Variants in TMEM132B observed in about 807,000 individuals in gnomAD.
TMEM132B encodes the protein transmembrane protein 132B.
TMEM132B carries 18 observed loss-of-function variants against 90.8 expected under a neutral mutation model. The ratio of observed to expected loss-of-function variants is 0.20; its 90% CI spans 0.14 to 0.29. The LOEUF is 0.29. Ranked by LOEUF, TMEM132B falls within the 10% of genes least tolerant of loss-of-function variation. The pLI is 1.00. For missense variants in TMEM132B, 1,096 were observed against 1,326.8 expected, an observed-to-expected ratio of 0.83 and a Z score of 2.70; for synonymous variants, 504 against 523.3, an observed-to-expected ratio of 0.96 and a Z score of 0.50.
In TMEM132B at chr12:125,338,337, C is replaced by T. The variant is rs558136483; in HGVS notation, c.68-11115C>T. Among the ~76,000 whole-genome samples, 7 of 152,334 alleles carry T rather than the reference C, an allele frequency of 4.6e-5. No homozygotes were observed. In the South Asian group the frequency reaches 1.0e-3, roughly 23 times the overall value. On this transcript the variant is annotated intron_variant, in intron 1 of 8. Coordinates refer to ENST00000682704, the MANE Select transcript of TMEM132B (RefSeq NM_001366854.1). ...GTCCTCAGCGTGTACCTTTGTTCCT[C>T]CTGGTTGCACAGTGGCTGCTCTGTC...
At chr12:125,484,847 CT>C (rs1481669439) in intron 3 of TMEM132B, among the ~76,000 whole-genome samples, 1 of 152,078 alleles carries the variant, frequency 6.6e-6, no homozygotes, top group African/African-American at 2.4e-5. Context: ...TCAGGCAATC[CT>C]TCTACCTTGG....
At chr12:125,477,288 A>G (rs1175939810) in intron 3 of TMEM132B, among the ~76,000 whole-genome samples, 1 of 152,176 alleles carries the variant, frequency 6.6e-6, no homozygotes, top group Non-Finnish European at 1.5e-5. Context: ...AAAAGATTCA[A>G]ACTCAAAACT....
chr12:125,442,027 C>T (rs764301304), intron 3 of TMEM132B, among the ~76,000 whole-genome samples: 7 of 152,146 alleles, frequency 4.6e-5, no homozygotes, highest in African/African-American at 1.2e-4. Context: ...AAAATGGATC[C>T]GTCAAGAGAA....
intron 3 of TMEM132B, among the ~76,000 whole-genome samples, chr12:125,495,261 A>G (rs1476020871): frequency 6.9e-5 from 6 of 86,794 alleles, no homozygotes; most frequent in African/African-American, 2.8e-4. Context: ...TCCTCCCTGT[A>G]AATGGCTGCG....
At chr12:125,440,435 T>G (rs1199280928) in intron 3 of TMEM132B, among the ~76,000 whole-genome samples, 1 of 152,218 alleles carries the variant, frequency 6.6e-6, no homozygotes, top group African/African-American at 2.4e-5. Flanking sequence ...GATCTTGCTA[T>G]AAAGGGAAAG....
At chr12:125,303,917 C>T (rs954394455) in intron 1 of TMEM132B, among the ~76,000 whole-genome samples, 9 of 152,094 alleles carry the variant, frequency 5.9e-5, no homozygotes, top group African/African-American at 1.9e-4. Context: ...ATATTTTCTC[C>T]CATTCTGTGA....
chr12:125,543,115 C>A (rs1449831652), intron 4 of TMEM132B, among the ~76,000 whole-genome samples: 1 of 152,116 alleles, frequency 6.6e-6, no homozygotes, highest in Non-Finnish European at 1.5e-5. Flanking sequence ...TCCAGGGACC[C>A]ATATATGTCT....
At chr12:125,270,112 T>TTTGTGTG (rs372403246) in intron 1 of TMEM132B, among the ~76,000 whole-genome samples, 70 of 143,250 alleles carry the variant, frequency 4.9e-4, no homozygotes, top group Non-Finnish European at 7.4e-4. Context: ...CACATCTTTG[T>TTTGTGTG]TGTGTGTGTG....
chr12:125,430,136 A>G (rs1029381815), intron 3 of TMEM132B, among the ~76,000 whole-genome samples: 6 of 152,372 alleles, frequency 3.9e-5, no homozygotes, highest in African/African-American at 1.4e-4. Context: ...TGCCTGACAC[A>G]TATCCTTAAT....
intron 5 of TMEM132B, among the ~76,000 whole-genome samples, chr12:125,630,082 G>T (rs776719159): frequency 1.3e-5 from 2 of 151,956 alleles, no homozygotes; most frequent in Non-Finnish European, 2.9e-5. Flanking sequence ...TGCACCAGAG[G>T]TATTGGCCTG....
chr12:125,637,681 C>G (rs1886519268), intron 5 of TMEM132B, among the ~76,000 whole-genome samples: 3 of 152,066 alleles, frequency 2.0e-5, no homozygotes, highest in African/African-American at 7.2e-5. Flanking sequence ...GGAAAAGAGC[C>G]TGGGGTAACC....
intron 4 of TMEM132B, among the ~76,000 whole-genome samples, chr12:125,536,181 C>G (rs751305089): frequency 6.6e-6 from 1 of 152,188 alleles, no homozygotes; most frequent in Non-Finnish European, 1.5e-5. Context: ...TGGCTGAATC[C>G]GCACATAGTT....
intron 6 of TMEM132B, among the ~76,000 whole-genome samples, chr12:125,649,387 G>A (rs538923324): frequency 2.0e-5 from 3 of 152,332 alleles, no homozygotes; most frequent in African/African-American, 7.2e-5. Context: ...GCTATAGAAA[G>A]GAAGAGGACA....
intron 1 of TMEM132B, among the ~76,000 whole-genome samples, chr12:125,226,159 AT>A (rs1013693577): frequency 3.8e-4 from 58 of 152,270 alleles, no homozygotes; most frequent in African/African-American, 1.3e-3. Context: ...TCAACTCCCC[AT>A]CCATGTAGTA....
intron 3 of TMEM132B, among the ~76,000 whole-genome samples, chr12:125,470,893 C>T (rs1045055161): frequency 6.6e-5 from 10 of 152,234 alleles, no homozygotes; most frequent in Admixed American, 2.0e-4. Flanking sequence ...CTGCCACAAG[C>T]GCTCATCCTC....
At chr12:125,392,923 A>C (rs1879067526) in intron 2 of TMEM132B, among the ~76,000 whole-genome samples, 1 of 152,222 alleles carries the variant, frequency 6.6e-6, no homozygotes. Flanking sequence ...GGGAGGGTAC[A>C]TCAGACTGAG....
intron 3 of TMEM132B, among the ~76,000 whole-genome samples, chr12:125,494,479 C>T (rs1220052467): frequency 7.2e-6 from 1 of 138,854 alleles, no homozygotes; most frequent in Non-Finnish European, 1.5e-5. Context: ...ATGCGTCCCT[C>T]CTCCCCCTCT....
chr12:125,539,082 A>G (rs1883888400), intron 4 of TMEM132B, among the ~76,000 whole-genome samples: 4 of 152,180 alleles, frequency 2.6e-5, no homozygotes, highest in East Asian at 1.9e-4. Flanking sequence ...TCCACACCAC[A>G]GCCAGGCCCT....
At chr12:125,282,972 G>T (rs115945528) in intron 1 of TMEM132B, among the ~76,000 whole-genome samples, 2 of 152,156 alleles carry the variant, frequency 1.3e-5, no homozygotes, top group East Asian at 3.9e-4. Flanking sequence ...AAGTGGTACA[G>T]CCCGAGAGCT....
Sources: gnomAD v4.1 joint callset for allele counts (sites outside exome capture counted in the v4.1 genomes callset) on GRCh38, gnomAD v4.1.1 for gene constraint, MANE v1.5 for transcripts, NCBI Gene and HGNC (gene_info 2026-07-23, HGNC 2026-07-21) for gene names.